Variants in FTCD observed in about 807,000 individuals in gnomAD.
The protein encoded by FTCD is formimidoyltransferase-cyclodeaminase.
A neutral mutation model predicts 62.9 loss-of-function variants in FTCD; 76 were observed. The ratio of observed to expected loss-of-function variants is 1.21; its 90% CI spans 1.00 to 1.46. FTCD has a LOEUF of 1.46. Ranked by LOEUF, FTCD falls within the 40% of genes most tolerant of loss-of-function variation. The pLI, the probability that FTCD is intolerant of heterozygous loss-of-function variation, is 0.00. For synonymous variants in FTCD, 397 were observed against 336.9 expected, an observed-to-expected ratio of 1.18 and a Z score of -1.95; for missense variants, 845 against 751.3, an observed-to-expected ratio of 1.12 and a Z score of -1.46.
chr21:46,148,436 G>A lies in FTCD; in HGVS notation c.906+1683C>T, dbSNP rs549657739. On this transcript the variant is annotated intron_variant, in intron 7 of 13. Coordinates refer to ENST00000397746, the MANE Select transcript of FTCD (RefSeq NM_206965.2). ...GTCCAGGAGTTTGAGACCAGCCTGG[G>A]CAATAGAGCAAAACCCCATCTGTAC... Among the ~76,000 whole-genome samples, 33 of 152,262 alleles carry A rather than the reference G, an allele frequency of 2.2e-4. No homozygotes were observed. In the South Asian group the frequency reaches 3.5e-3, roughly 16 times the overall value.
intron 10 of FTCD, among the ~76,000 whole-genome samples, chr21:46,140,323 C>T (rs1210439688): frequency 1.4e-5 from 2 of 140,476 alleles, no homozygotes; most frequent in African/African-American, 2.8e-5. Context: ...CGTCCACCTT[C>T]GCATTGCTCA....
In FTCD at chr21:46,137,299, G is replaced by A. The variant is rs576503541; in HGVS notation, c.1479C>T (p.Gly493=). 2.1e-5 allele frequency: 34 copies of A among 1,613,718 alleles called. No homozygotes were observed. Among genetic ancestry groups the A allele is most frequent in the Middle Eastern group, 1.7e-4 (1 of 6,060 alleles). The change falls in exon 13 of 14, where the codon GGC becomes GGT. Residue 493 remains glycine (G), a synonymous_variant. Coordinates refer to ENST00000397746, the MANE Select transcript of FTCD (RefSeq NM_206965.2). The stretch of plus-strand genomic sequence containing the variant: ...GGTTGATGAGCACGTTGAAATATGC[G>A]CCAAACACGCCCATCTCCAGGGCTT... ...AAKALEMGVF[G]AYFNVLINLR...
intron 4 of FTCD, 38 bp downstream of exon 4, chr21:46,151,854 A>G (rs1339530859): frequency 6.4e-7 from 1 of 1,553,406 alleles, no homozygotes. Flanking sequence ...GGGCAGGTCC[A>G]CCTCCTTCCC....
chr21:46,142,405 CCTTCACAGTGAGCGTTA>C (rs1217525439), intron 10 of FTCD: 2 of 151,132 alleles, frequency 1.3e-5, no homozygotes, highest in African/African-American at 4.9e-5. Context: ...AGGCCGCCGA[CCTTCACAGTGAGCGTTA>C]AGCTCTTACA....
rs375767929 is a variant in FTCD at position 46,136,960 on chromosome 21, C to T, written c.*27G>A. 43 of 1,612,718 alleles carry T rather than the reference C, an allele frequency of 2.7e-5. No individual in the cohort carries two copies. Among genetic ancestry groups the T allele is most frequent in the Non-Finnish European group, 3.6e-5 (42 of 1,179,944 alleles). ...CTGGGGATGGGCGAGGGAGGGGCCA[C>T]AGAGCCCGGAGAGGCCTCCCGCACC... On this transcript the variant is annotated 3_prime_UTR_variant, in exon 14 of 14. Coordinates refer to ENST00000397746, the MANE Select transcript of FTCD (RefSeq NM_206965.2).
chr21:46,136,553 G>T, downstream of FTCD: 1 of 1,594,938 alleles, frequency 6.3e-7, no homozygotes, highest in Non-Finnish European at 8.5e-7. Flanking sequence ...CACAGCCCAG[G>T]GACCTGCACT....
downstream of FTCD, chr21:46,136,340 G>T (rs1031795139): frequency 4.3e-6 from 5 of 1,174,428 alleles, no homozygotes; most frequent in Admixed American, 9.8e-5. Context: ...AGGCAGGGAG[G>T]AAAAGTCTCC....
Position 46,150,205 on chromosome 21 carries a change from G to A in FTCD, c.820C>T (p.Pro274Ser). 1 of 1,609,488 alleles carries A rather than the reference G, an allele frequency of 6.2e-7. No individual in the cohort carries two copies. The highest frequency in any genetic ancestry group is 1.1e-5 in the South Asian group (1 of 90,390). ...VVGSQLVGLV[P>S]LKALLDAAAF... Reference sequence around the variant, plus strand: ...GCCGCATCCAGCAGAGCCTTCAGGGGCACCAGGCCCACCAGCTGTGAGCCC... The same window carrying A: ...GCCGCATCCAGCAGAGCCTTCAGGGACACCAGGCCCACCAGCTGTGAGCCC... The change falls in exon 7 of 14, where the codon CCC becomes TCC. Residue 274 changes from proline to serine, a missense_variant. Physicochemically the swap from Pro to Ser is moderately conservative, Grantham distance 74. Transcript: ENST00000397746.
At chr21:46,149,278 A>G (rs553165776) in intron 7 of FTCD, among the ~76,000 whole-genome samples, 1 of 152,232 alleles carries the variant, frequency 6.6e-6, no homozygotes, top group Non-Finnish European at 1.5e-5. Context: ...TCCAGAGGAA[A>G]GGAGTGGAAG....
chr21:46,136,350 C>T, downstream of FTCD: 1 of 1,306,646 alleles, frequency 7.7e-7, no homozygotes, highest in Non-Finnish European at 1.1e-6. Context: ...GAAAAGTCTC[C>T]CAGGAGCCAC....
chr21:46,136,499 CCCATGCACAGAA>C, downstream of FTCD: 1 of 1,612,432 alleles, frequency 6.2e-7, no homozygotes, highest in South Asian at 1.1e-5. Flanking sequence ...GGGTTTCTGT[CCCATGCACAGAA>C]CCAGGGCCCC....
At chr21:46,143,354 CTCTCCCTACCCCCCCTCCCCA>C (rs1568968776) in intron 10 of FTCD, among the ~76,000 whole-genome samples, 1 of 150,678 alleles carries the variant, frequency 6.6e-6, no homozygotes, top group Non-Finnish European at 1.5e-5. Context: ...TCCCCTCCCT[CTCTCCCTACCCCCCCTCCCCA>C]TCTCCCTCTT....
chr21:46,150,528 G>A lies in FTCD; in HGVS notation c.637-3C>T. ...TGAACTTTCTTCAGACGTCCTGGCTGCAAAGGAAGAGCGTTCCCCAGCCTG... is the reference window on the plus strand; with the variant it reads ...TGAACTTTCTTCAGACGTCCTGGCTACAAAGGAAGAGCGTTCCCCAGCCTG... On this transcript the variant is annotated splice_region_variant and splice_polypyrimidine_tract_variant and intron_variant, in intron 5 of 13. Transcript: ENST00000397746. 3 of 1,613,098 alleles carry A rather than the reference G, an allele frequency of 1.9e-6. No individual in the cohort carries two copies. The highest frequency in any genetic ancestry group is 1.7e-5 in the Admixed American group (1 of 60,024).
At chr21:46,148,115 G>A (rs1175958037) in intron 7 of FTCD, among the ~76,000 whole-genome samples, 3 of 152,046 alleles carry the variant, frequency 2.0e-5, no homozygotes, top group African/African-American at 4.8e-5. Flanking sequence ...GTAATAAACA[G>A]GTATTTACCT....
intron 10 of FTCD, among the ~76,000 whole-genome samples, chr21:46,143,784 C>T (rs1418059655): frequency 6.6e-6 from 1 of 152,202 alleles, no homozygotes; most frequent in Non-Finnish European, 1.5e-5. Flanking sequence ...GCATCCGCTA[C>T]TTAGCAGATC....
chr21:46,154,853 C>T (rs1287349536), intron 1 of FTCD, among the ~76,000 whole-genome samples: 1 of 152,226 alleles, frequency 6.6e-6, no homozygotes, highest in Admixed American at 6.5e-5. Context: ...CTCCCTGCAC[C>T]CCTGCGGGTG....
At chr21:46,152,270 C>T (rs1448882785) in intron 3 of FTCD, 2 of 412,954 alleles carry the variant, frequency 4.8e-6, no homozygotes, top group Middle Eastern at 6.4e-4. Flanking sequence ...GTTCATGCTT[C>T]TGTTTTCTTT....
intron 12 of FTCD, 115 bp from the exon 13 acceptor site, chr21:46,137,449 G>A (rs2078896353): frequency 3.6e-6 from 3 of 830,332 alleles, no homozygotes; most frequent in Non-Finnish European, 6.2e-6. Flanking sequence ...TCCTCACAAG[G>A]AGCCCAGCGC....
intron 9 of FTCD, 98 bp from the exon 10 acceptor site, chr21:46,145,676 C>T: frequency 1.2e-6 from 1 of 835,940 alleles, no homozygotes; most frequent in Non-Finnish European, 1.6e-6. Context: ...GCGGGGGTCC[C>T]ACCCGTGTGG....
Sources: allele counts gnomAD v4.1 joint callset (sites outside exome capture counted in the v4.1 genomes callset), GRCh38; gene constraint gnomAD v4.1.1; transcripts MANE v1.5; gene names NCBI Gene and HGNC (gene_info 2026-07-23, HGNC 2026-07-21).